Variants in ANGPTL6 observed in about 807,000 individuals in gnomAD.
The protein encoded by ANGPTL6 is angiopoietin like 6.
ANGPTL6 carries 45 observed loss-of-function variants against 47.4 expected under a neutral mutation model. That is an observed-to-expected ratio of 0.95 (90% CI 0.75 to 1.22). The LOEUF (loss-of-function observed/expected upper bound fraction) is 1.22, where lower values mean the gene tolerates loss of function less well. Ranked by LOEUF, ANGPTL6 falls within the 50% of genes most tolerant of loss-of-function variation. ANGPTL6 has a pLI of 0.00. For missense variants in ANGPTL6, 698 were observed against 669.4 expected, an observed-to-expected ratio of 1.04 and a Z score of -0.47; for synonymous variants, 290 against 295.9, an observed-to-expected ratio of 0.98 and a Z score of 0.20.
upstream of ANGPTL6, chr19:10,102,857 A>G: frequency 1.2e-6 from 1 of 822,126 alleles, no homozygotes. Context: ...AACACAGGTC[A>G]GTGTCCTGGA....
rs1265813364 is a variant in ANGPTL6 at position 10,092,768 on chromosome 19, G to C, written c.1234C>G (p.Leu412Val). The change falls in exon 6 of 6, where the codon CTG (leucine) becomes GTG (valine). Residue 412 changes from leucine to valine, a missense_variant. Coordinates refer to ENST00000253109, the MANE Select transcript of ANGPTL6 (RefSeq NM_031917.3). ...TACCACCAGCCTCCCCGCTGGTACA[G>C]GGCACAGTTACCTGAGGGGAGAGAG... is the stretch of plus-strand genomic sequence containing the variant. ...DRDSYSGNCA[L>V]YQRGGWWYHA... 6.2e-6 allele frequency: 10 copies of C among 1,601,382 alleles called. No homozygotes were observed. The highest frequency in any genetic ancestry group is 8.5e-6 in the Non-Finnish European group (10 of 1,170,172).
Position 10,096,289 on chromosome 19 carries a change from T to C in ANGPTL6, c.275A>G (p.Glu92Gly). ...LAAADGAVAG[E>G]VRALRKESRG... ...GCTCTCCTTGCGCAGCGCGCGCACC[T>C]CGCCGGCCACGGCGCCGTCGGCCGC... Residue 92 changes from glutamate to glycine, a missense_variant, in exon 2 of 6, where the codon GAG (glutamate) becomes GGG (glycine). Transcript: ENST00000253109. 8.2e-7 allele frequency: 1 copy of C among 1,222,632 alleles called. No homozygotes were observed. The highest frequency in any genetic ancestry group is 1.0e-6 in the Non-Finnish European group (1 of 983,806). The allele number at this position is 1,222,632 out of a possible 1,614,324, so 75.7% of individuals were successfully genotyped here. A position where few individuals can be genotyped will look rare whatever the true frequency, so the allele number is the denominator to read the frequency against.
intron 1 of ANGPTL6, among the ~76,000 whole-genome samples, chr19:10,101,804 CAAAAAAAAA>C (rs1019332736): frequency 9.2e-5 from 5 of 54,106 alleles, no homozygotes; most frequent in African/African-American, 3.9e-4. Context: ...GAGCAAGGCT[CAAAAAAAAA>C]AAAAAAAAAA....
chr19:10,094,680 T>G, intron 3 of ANGPTL6, 78 bp downstream of exon 3: 13 of 1,548,420 alleles, frequency 8.4e-6, no homozygotes, highest in Non-Finnish European at 1.1e-5. Flanking sequence ...CTTCTCACAA[T>G]GAGAGAAATC....
chr19:10,105,160 T>G (rs920249587), upstream of ANGPTL6, among the ~76,000 whole-genome samples: 1 of 152,026 alleles, frequency 6.6e-6, no homozygotes, highest in Non-Finnish European at 1.5e-5. Flanking sequence ...ACTCCAGGGT[T>G]GAAAAAGGAA....
At chr19:10,103,807 A>G (rs1045370050), upstream of ANGPTL6, among the ~76,000 whole-genome samples, 2 of 151,368 alleles carry the variant, frequency 1.3e-5, no homozygotes, top group Admixed American at 6.6e-5. Context: ...AGAAATAAAA[A>G]TGTAAGGCTG....
rs549041522 is a variant in ANGPTL6 at position 10,095,143 on chromosome 19, C to T, written c.583-205G>A. ...TGCAGACAGGCTGGGCGCTATGGCCCGTGCCTGTAATCCCAGCACTTTGGG... is the reference window on the plus strand; with the variant it reads ...TGCAGACAGGCTGGGCGCTATGGCCTGTGCCTGTAATCCCAGCACTTTGGG... On this transcript the variant is annotated intron_variant, in intron 2 of 5. Transcript: ENST00000253109. Among the ~76,000 whole-genome samples the T allele has an allele frequency of 4.6e-5, 7 of 152,312 alleles. No individual in the cohort carries two copies. In the East Asian group the frequency reaches 9.7e-4, roughly 21 times the overall value.
chr19:10,099,820 T>C (rs2088637033), intron 1 of ANGPTL6, among the ~76,000 whole-genome samples: 1 of 147,910 alleles, frequency 6.8e-6, no homozygotes, highest in Middle Eastern at 3.5e-3. Flanking sequence ...TCTCTCTCTC[T>C]GTCTCTCCCT....
Position 10,092,589 on chromosome 19 carries a change from T to C in ANGPTL6, c.1413A>G (p.Ter471TrpextTer10), listed in dbSNP as rs754053602. 5.0e-6 allele frequency: 8 copies of C among 1,600,568 alleles called. No individual in the cohort carries two copies. Among genetic ancestry groups the C allele is most frequent in the Non-Finnish European group, 6.8e-6 (8 of 1,170,636 alleles). ...GCCTAGGGGACAGAGGAACACAGAG[T>C]CACAGCTTCAGGGGCCGAATGAGCA... ...AAMLIRPLKL[*>W] Residue 471 changes from the stop codon to tryptophan (W), a stop_lost, in exon 6 of 6, where the codon TGA becomes TGG. Transcript: ENST00000253109.
upstream of ANGPTL6, among the ~76,000 whole-genome samples, chr19:10,103,973 A>T (rs181719545): frequency 6.6e-6 from 1 of 150,650 alleles, no homozygotes; most frequent in South Asian, 2.1e-4. Context: ...CATGCCTGTA[A>T]TCCCAGCTAC....
upstream of ANGPTL6, among the ~76,000 whole-genome samples, chr19:10,103,255 CACAA>C (rs1463906578): frequency 1.0e-3 from 152 of 151,806 alleles, 3 homozygotes; most frequent in Non-Finnish European, 1.8e-4. Flanking sequence ...ACAGAGTGGA[CACAA>C]ACACACACAC....
Position 10,092,467 on chromosome 19 carries a change from A to T in ANGPTL6, c.*122T>A. 1 of 1,520,632 alleles carries T rather than the reference A, an allele frequency of 6.6e-7. No homozygotes were observed. The highest frequency in any genetic ancestry group is 8.9e-7 in the Non-Finnish European group (1 of 1,128,214). The allele number at this position is 1,520,632 out of a possible 1,614,324, so 94.2% of individuals were successfully genotyped here. On this transcript the variant is annotated 3_prime_UTR_variant, in exon 6 of 6. Transcript: ENST00000253109. ...CCATTTTCAGCGCCCAGGGTCACAG[A>T]TCCACAGTGGGAAGTTCTGTGGGAC...
In ANGPTL6 at chr19:10,096,221, G is replaced by T; in HGVS notation, c.343C>A (p.Gln115Lys). 1 of 1,196,990 alleles carries T rather than the reference G, an allele frequency of 8.4e-7. No individual in the cohort carries two copies. Among genetic ancestry groups the T allele is most frequent in the Non-Finnish European group, 1.0e-6 (1 of 966,328 alleles). 74.1% of individuals were successfully genotyped at this position (1,196,990 alleles called of 1,614,324 possible). A position where few individuals can be genotyped will look rare whatever the true frequency, so the allele number is the denominator to read the frequency against. ...ARLGQLRAQLQHEAGPGAGPG... is the reference protein window; with the variant it reads ...ARLGQLRAQLKHEAGPGAGPG... ...CCCGCCCCGGGCCCCGCCTCGTGCTGCAGCTGCGCGCGCAACTGGCCCAGG... is the reference window on the plus strand; with the variant it reads ...CCCGCCCCGGGCCCCGCCTCGTGCTTCAGCTGCGCGCGCAACTGGCCCAGG... The change falls in exon 2 of 6, where the codon CAG (glutamine) becomes AAG (lysine). Residue 115 changes from glutamine (Q) to lysine (K), a missense_variant. Coordinates refer to ENST00000253109, the MANE Select transcript of ANGPTL6 (RefSeq NM_031917.3).
chr19:10,092,538 G>T lies in ANGPTL6; in HGVS notation c.*51C>A, dbSNP rs200914245. 736 of 1,550,776 alleles carry T rather than the reference G, an allele frequency of 4.7e-4. 5 individuals carry two copies. Among genetic ancestry groups the T allele is most frequent in the Non-Finnish European group, 8.5e-5 (97 of 1,144,808 alleles). On this transcript the variant is annotated 3_prime_UTR_variant, in exon 6 of 6. Transcript: ENST00000253109. ...AGAAGGTGTGGCCAGAACAACTTGG[G>T]CTCCTGCTGACCAATGTCCTCTAGG...
rs1045414937 is a variant in ANGPTL6, at chr19:10,096,474, G to T, written c.90C>A (p.Thr30=). 1 of 1,500,592 alleles carries T rather than the reference G, an allele frequency of 6.7e-7. No individual in the cohort carries two copies. Among genetic ancestry groups the T allele is most frequent in the Non-Finnish European group, 8.8e-7 (1 of 1,132,400 alleles). The allele number at this position is 1,500,592 out of a possible 1,614,324, so 93.0% of individuals were successfully genotyped here. A position where few individuals can be genotyped will look rare whatever the true frequency, so the allele number is the denominator to read the frequency against. Residue 30 remains threonine, a synonymous_variant, in exon 2 of 6, where the codon ACC becomes ACA. Coordinates refer to ENST00000253109, the MANE Select transcript of ANGPTL6 (RefSeq NM_031917.3). ...ARAGAPRCTY[T]FVLPPQKFTG... Reference sequence around the variant, plus strand: ...TGAACTTCTGCGGGGGCAGCACGAAGGTGTAGGTGCAGCGCGGGGCGCCCG... The same window carrying T: ...TGAACTTCTGCGGGGGCAGCACGAATGTGTAGGTGCAGCGCGGGGCGCCCG...
In ANGPTL6 at chr19:10,102,375, G is replaced by A. The variant is rs368014378; in HGVS notation, c.-11+193C>T. ...GGGGTAGGGTCCTCTCTTTGTCCCC[G>A]ATCACTGACATGCCCCACCCCCCAC... On this transcript the variant is annotated intron_variant, in intron 1 of 5. Coordinates refer to ENST00000253109, the MANE Select transcript of ANGPTL6 (RefSeq NM_031917.3). Among the ~76,000 whole-genome samples the A allele has an allele frequency of 6.9e-4, 105 of 151,572 alleles. 1 individual carries two copies. The highest frequency in any genetic ancestry group is 2.5e-3 in the African/African-American group (104 of 41,466).
rs771739756 is a variant in ANGPTL6 at position 10,096,004 on chromosome 19, C to T, written c.560G>A (p.Gly187Glu). ...LIARLERLCP[G>E]GAGGQQQVLP... is the part of the protein sequence containing the mutation. The stretch of plus-strand genomic sequence containing the variant: ...TACCTGCTGCTGCCCGCCCGCGCCT[C>T]CCGGGCACAGGCGCTCCAGGCGGGC... The change falls in exon 2 of 6, where the codon GGA becomes GAA. Residue 187 changes from glycine to glutamate, a missense_variant. By Grantham distance (98) the Gly-to-Glu change is moderately conservative. Coordinates refer to ENST00000253109, the MANE Select transcript of ANGPTL6 (RefSeq NM_031917.3). 2.2e-6 allele frequency: 3 copies of T among 1,349,308 alleles called. No homozygotes were observed. Among genetic ancestry groups the T allele is most frequent in the South Asian group, 3.8e-5 (2 of 52,338 alleles). 83.6% of individuals were successfully genotyped at this position (1,349,308 alleles called of 1,614,324 possible).
At position 10,096,393 on chromosome 19, in the gene ANGPTL6, G is replaced by C. The variant is rs1355461929; in HGVS notation, c.171C>G (p.Ala57=). The change falls in exon 2 of 6, where the codon GCC becomes GCG. Residue 57 remains alanine (A), a synonymous_variant. Transcript: ENST00000253109. Reference sequence around the variant, plus strand: ...GCAGCGCCGCCAGCTCGCTGGCGTTGGCGGCCTCGGGCGTCGCCCGCGTGG... The same window carrying C: ...GCAGCGCCGCCAGCTCGCTGGCGTTCGCGGCCTCGGGCGTCGCCCGCGTGG... The part of the protein sequence containing the change: ...PASTRATPEA[A]NASELAALRM... 1 of 1,304,552 alleles carries C rather than the reference G, an allele frequency of 7.7e-7. No individual in the cohort carries two copies. Among genetic ancestry groups the C allele is most frequent in the Non-Finnish European group, 9.7e-7 (1 of 1,031,308 alleles). 80.8% of individuals were successfully genotyped at this position (1,304,552 alleles called of 1,614,324 possible). A position where few individuals can be genotyped will look rare whatever the true frequency, so the allele number is the denominator to read the frequency against.
upstream of ANGPTL6, among the ~76,000 whole-genome samples, chr19:10,103,153 CAA>C (rs1042328808): frequency 5.3e-5 from 8 of 151,764 alleles, no homozygotes; most frequent in Non-Finnish European, 1.0e-4. Flanking sequence ...GTCACACAGC[CAA>C]AAAGAGACCA....
Sources: gnomAD v4.1 joint callset for allele counts (sites outside exome capture counted in the v4.1 genomes callset) on GRCh38, gnomAD v4.1.1 for gene constraint, MANE v1.5 for transcripts, NCBI Gene and HGNC (gene_info 2026-07-23, HGNC 2026-07-21) for gene names.